The following ARHGDIB variants were observed in gnomAD, a reference collection of about 807,000 sequenced individuals.
ARHGDIB encodes the protein Rho GDP dissociation inhibitor beta.
In ARHGDIB, 20 loss-of-function variants were observed where a neutral mutation model predicts 22.6. The ratio of observed to expected loss-of-function variants is 0.88; its 90% CI spans 0.62 to 1.28. ARHGDIB has a LOEUF of 1.28. ARHGDIB is among the 50% of genes most tolerant of loss of function. The probability of loss-of-function intolerance (pLI) is 0.00; values close to 1 mark genes in which losing one functional copy is unlikely to be tolerated. For synonymous variants in ARHGDIB, 114 were observed against 96.1 expected, an observed-to-expected ratio of 1.19 and a Z score of -1.09; for missense variants, 254 against 245.4, an observed-to-expected ratio of 1.04 and a Z score of -0.23.
intron 5 of ARHGDIB, 123 bp from the exon 6 acceptor site, chr12:14,942,844 A>T: frequency 1.2e-6 from 1 of 835,858 alleles, no homozygotes; most frequent in Non-Finnish European, 1.8e-6. Context: ...TTCCAAGCCT[A>T]AATAAACATT....
At chr12:14,955,727 ATC>A (rs1864286687) in intron 1 of ARHGDIB, among the ~76,000 whole-genome samples, 3 of 152,234 alleles carry the variant, frequency 2.0e-5, no homozygotes, top group Admixed American at 6.5e-5. Flanking sequence ...TTCTCAAATT[ATC>A]TGTGTGCATA....
chr12:14,949,886 C>A lies in ARHGDIB; in HGVS notation c.182-1G>T. ...ACAACGACATTGGGGGCTTTCGGAT[C>A]TGCAGGATCGAAAGGGAATGTAAGT... is the stretch of plus-strand genomic sequence containing the variant. On this transcript the variant is annotated splice_acceptor_variant, in intron 2 of 5. Coordinates refer to ENST00000228945, the MANE Select transcript of ARHGDIB (RefSeq NM_001175.7). LOFTEE classifies it high-confidence loss of function. The A allele has an allele frequency of 6.2e-7, 1 of 1,612,852 alleles. No homozygotes were observed. Among genetic ancestry groups the A allele is most frequent in the Non-Finnish European group, 8.5e-7 (1 of 1,179,376 alleles).
At chr12:14,953,630 C>T (rs1235609644) in intron 1 of ARHGDIB, among the ~76,000 whole-genome samples, 1 of 137,674 alleles carries the variant, frequency 7.3e-6, no homozygotes. Context: ...GTAATTATCT[C>T]AAGGAAAAAA....
At chr12:14,953,436 A>G (rs1281160700) in intron 1 of ARHGDIB, among the ~76,000 whole-genome samples, 1 of 152,178 alleles carries the variant, frequency 6.6e-6, no homozygotes. Context: ...TTATTTGGTG[A>G]GCACCCACTG....
chr12:14,942,588 G>C lies in ARHGDIB; in HGVS notation c.540C>G (p.Asp180Glu). Residue 180 changes from aspartate (D) to glutamate (E), a missense_variant, in exon 6 of 6, where the codon GAC becomes GAG. By Grantham distance (45) the Asp-to-Glu change is conservative. Coordinates refer to ENST00000228945, the MANE Select transcript of ARHGDIB (RefSeq NM_001175.7). ...GTYHNKSFFTDDDKQDHLSWE... is the reference protein window; with the variant it reads ...GTYHNKSFFTEDDKQDHLSWE... ...AGCTGAGGTGGTCTTGCTTGTCATC[G>C]TCGGTGAAGAAGGACTTGTTGTGGT... The C allele has an allele frequency of 1.2e-6, 2 of 1,614,152 alleles. No homozygotes were observed. The highest frequency in any genetic ancestry group is 1.7e-6 in the Non-Finnish European group (2 of 1,180,034).
At chr12:14,958,080 C>T (rs1245226788) in intron 1 of ARHGDIB, among the ~76,000 whole-genome samples, 1 of 152,278 alleles carries the variant, frequency 6.6e-6, no homozygotes, top group East Asian at 1.9e-4. Context: ...AGAGTCAGGC[C>T]ATCTCTAAAA....
chr12:14,961,460 G>C (rs535127950), intron 1 of ARHGDIB, 77 bp downstream of exon 1: 4 of 152,190 alleles, frequency 2.6e-5, no homozygotes, highest in Non-Finnish European at 5.9e-5. Flanking sequence ...TGTCGAGGGC[G>C]GTAGCCCCGT....
At chr12:14,943,917 T>A (rs941968877) in intron 5 of ARHGDIB, among the ~76,000 whole-genome samples, 1 of 152,222 alleles carries the variant, frequency 6.6e-6, no homozygotes, top group African/African-American at 2.4e-5. Context: ...AAATTAAACT[T>A]TTTTTTCATG....
chr12:14,956,392 T>A (rs933186959), intron 1 of ARHGDIB: 5 of 152,132 alleles, frequency 3.3e-5, no homozygotes, highest in African/African-American at 1.2e-4. Flanking sequence ...ATTTAATGAC[T>A]CAAATGCTCC....
chr12:14,944,607 C>A (rs543990790), intron 5 of ARHGDIB, among the ~76,000 whole-genome samples, 169 bp downstream of exon 5: 28 of 152,218 alleles, frequency 1.8e-4, no homozygotes, highest in Non-Finnish European at 3.7e-4. Flanking sequence ...TGAGCATTGG[C>A]CTTGTCAATG....
At position 14,947,876 on chromosome 12, in the gene ARHGDIB, G is replaced by T. The variant is rs1864059151; in HGVS notation, c.339C>A (p.Phe113Leu). ...EGSEYRVKIH[F>L]KVNRDIVSGL... ...ACACACAAGGCAGGATACTTACTTTGAAGTGAATTTTGACTCTATATTCAG... is the reference window on the plus strand; with the variant it reads ...ACACACAAGGCAGGATACTTACTTTTAAGTGAATTTTGACTCTATATTCAG... Residue 113 changes from phenylalanine (F) to leucine (L), a missense_variant, in exon 4 of 6, where the codon TTC (phenylalanine) becomes TTA (leucine). Physicochemically the swap from Phe to Leu is conservative, Grantham distance 22. Transcript: ENST00000228945. The T allele has an allele frequency of 6.2e-7, 1 of 1,607,582 alleles. No homozygotes were observed. Among genetic ancestry groups the T allele is most frequent in the Non-Finnish European group, 8.5e-7 (1 of 1,174,218 alleles).
At chr12:14,947,742 T>G in intron 4 of ARHGDIB, 131 bp downstream of exon 4, 1 of 769,016 alleles carries the variant, frequency 1.3e-6, no homozygotes, top group Non-Finnish European at 2.1e-6. Context: ...AAGAGGACAT[T>G]CCAGACCCAG....
intron 1 of ARHGDIB, 50 bp from the exon 2 acceptor site, chr12:14,950,774 G>T (rs1304261746): frequency 3.4e-5 from 50 of 1,482,788 alleles, no homozygotes; most frequent in Non-Finnish European, 4.1e-5. Flanking sequence ...GAATATAAAA[G>T]ATGTTAGTGG....
chr12:14,943,253 T>C (rs1047663752), intron 5 of ARHGDIB, among the ~76,000 whole-genome samples: 1 of 152,188 alleles, frequency 6.6e-6, no homozygotes, highest in Non-Finnish European at 1.5e-5. Flanking sequence ...TTTGTCCTAC[T>C]TCCAAAGGCT....
chr12:14,953,849 CTCTCTCTT>C (rs754543580), intron 1 of ARHGDIB, among the ~76,000 whole-genome samples: 19 of 150,984 alleles, frequency 1.3e-4, no homozygotes, highest in South Asian at 4.2e-4. Context: ...CTTTCTCTTT[CTCTCTCTT>C]TCTCTCTTTC....
rs1278925452 is a variant in ARHGDIB at position 14,949,924 on chromosome 12, CAT to C, written c.182-41_182-40del. ...AGGGAATGTAAGTACCAAGAAGAGA[CAT>C]GTGTATAGTGGGTGTGTGCATTTCA... On this transcript the variant is annotated intron_variant, in intron 2 of 5. Transcript: ENST00000228945. The C allele has an allele frequency of 2.5e-6, 4 of 1,573,810 alleles. No homozygotes were observed. The African/African-American group carries it at 4.1e-5, about 16-fold the overall frequency.
intron 5 of ARHGDIB, among the ~76,000 whole-genome samples, chr12:14,943,851 C>T (rs184024489): frequency 1.1e-3 from 164 of 152,336 alleles, no homozygotes; most frequent in Middle Eastern, 0.01. Context: ...GCAGACATGT[C>T]ACTGTCCTTT....
chr12:14,954,793 G>T (rs1864264524), intron 1 of ARHGDIB, among the ~76,000 whole-genome samples: 2 of 152,172 alleles, frequency 1.3e-5, no homozygotes, highest in African/African-American at 4.8e-5. Context: ...TAAAATGTAT[G>T]TGAATCCCCA....
intron 1 of ARHGDIB, among the ~76,000 whole-genome samples, chr12:14,952,296 A>T (rs1864195610): frequency 6.9e-6 from 1 of 145,720 alleles, no homozygotes; most frequent in Admixed American, 6.8e-5. Flanking sequence ...AAAAAAAAAG[A>T]GAAACAAAGA....
Sources: allele counts gnomAD v4.1 joint callset (sites outside exome capture counted in the v4.1 genomes callset), GRCh38; gene constraint gnomAD v4.1.1; transcripts MANE v1.5; gene names NCBI Gene and HGNC (gene_info 2026-07-23, HGNC 2026-07-21).